Variants in XYLT1 observed in about 807,000 individuals in gnomAD.
XYLT1 encodes the protein beta-D-xylosyltransferase 1.
In XYLT1, 36 loss-of-function variants were observed where a neutral mutation model predicts 91.3. That is an observed-to-expected ratio of 0.39 (90% CI 0.30 to 0.52). The LOEUF is 0.52. Ranked by LOEUF, XYLT1 falls within the 20% of genes least tolerant of loss-of-function variation. XYLT1 has a pLI of 0.68. For missense variants in XYLT1, 1,242 were observed against 1,284.5 expected, an observed-to-expected ratio of 0.97 and a Z score of 0.51; for synonymous variants, 588 against 532.0, an observed-to-expected ratio of 1.11 and a Z score of -1.45.
At chr16:17,152,972 T>A (rs751860994) in intron 6 of XYLT1, among the ~76,000 whole-genome samples, 1 of 152,170 alleles carries the variant, frequency 6.6e-6, no homozygotes, top group Non-Finnish European at 1.5e-5. Context: ...TGCCCACTTA[T>A]AAAGGGCCCA....
intron 2 of XYLT1, among the ~76,000 whole-genome samples, chr16:17,353,073 C>G (rs893237906): frequency 2.6e-5 from 4 of 152,238 alleles, no homozygotes; most frequent in Admixed American, 2.6e-4. Flanking sequence ...TCCCTTCCCT[C>G]TAACCCAAGT....
chr16:17,118,927 C>T (rs562176356), intron 10 of XYLT1, among the ~76,000 whole-genome samples: 2 of 152,242 alleles, frequency 1.3e-5, no homozygotes, highest in African/African-American at 4.8e-5. Flanking sequence ...ACAGCCAGCC[C>T]CTTATGTCTA....
At chr16:17,346,840 G>A (rs182008070) in intron 2 of XYLT1, among the ~76,000 whole-genome samples, 11 of 152,194 alleles carry the variant, frequency 7.2e-5, no homozygotes, top group Non-Finnish European at 1.5e-4. Context: ...TTCTGTCCTC[G>A]ACCCCACCCA....
intron 2 of XYLT1, among the ~76,000 whole-genome samples, chr16:17,316,473 T>C (rs2034634596): frequency 6.6e-6 from 1 of 152,070 alleles, no homozygotes; most frequent in African/African-American, 2.4e-5. Flanking sequence ...CTCTGCTCAC[T>C]GCAGCCTCTA....
intron 2 of XYLT1, among the ~76,000 whole-genome samples, chr16:17,322,424 T>A (rs2034737739): frequency 1.3e-5 from 2 of 152,192 alleles, no homozygotes; most frequent in African/African-American, 4.8e-5. Context: ...CCTGGGACGC[T>A]GAGACAGAGT....
At chr16:17,251,106 G>A (rs2033531376) in intron 3 of XYLT1, 1 of 152,210 alleles carries the variant, frequency 6.6e-6, no homozygotes, top group Admixed American at 6.5e-5. Flanking sequence ...CAGGAGGGAT[G>A]TAGAAGAGAC....
chr16:17,126,859 G>C (rs1475877929), intron 10 of XYLT1, among the ~76,000 whole-genome samples: 3 of 152,138 alleles, frequency 2.0e-5, no homozygotes, highest in African/African-American at 7.2e-5. Context: ...CATCTACAAA[G>C]ACTACATACT....
intron 2 of XYLT1, among the ~76,000 whole-genome samples, chr16:17,293,064 AAG>A (rs1186878791): frequency 2.0e-5 from 3 of 152,168 alleles, no homozygotes; most frequent in African/African-American, 7.2e-5. Context: ...GCTACAAGCA[AAG>A]AGAGTGGAGG....
chr16:17,151,224 G>C (rs2031275072), intron 6 of XYLT1, among the ~76,000 whole-genome samples: 1 of 152,140 alleles, frequency 6.6e-6, no homozygotes, highest in Non-Finnish European at 1.5e-5. Context: ...TCAAGAGTTT[G>C]AGACCAGCCT....
chr16:17,242,891 T>G (rs57888144), intron 3 of XYLT1, among the ~76,000 whole-genome samples: 7,839 of 152,266 alleles, frequency 0.051, 644 homozygotes, highest in African/African-American at 0.18. Context: ...ACTGGCTTAT[T>G]TCACTTAGCG....
chr16:17,468,368 G>GA (rs376045823), intron 1 of XYLT1, among the ~76,000 whole-genome samples: 1,902 of 146,866 alleles, frequency 0.013, 17 homozygotes, highest in Middle Eastern at 0.018. Context: ...AGAACCAAAA[G>GA]AAAAAAAAAA....
intron 5 of XYLT1, among the ~76,000 whole-genome samples, chr16:17,166,077 G>A (rs541427650): frequency 1.6e-4 from 24 of 152,338 alleles, no homozygotes; most frequent in Admixed American, 3.9e-4. Context: ...CCAGCAGGCT[G>A]GTGGGGTTAA....
rs2036138706 is a variant in XYLT1 at position 17,413,448 on chromosome 16, T to A, written c.364-55398A>T. 2.6e-5 allele frequency among the ~76,000 whole-genome samples: 4 copies of A among 151,836 alleles called. No individual in the cohort carries two copies. In the South Asian group the frequency reaches 8.3e-4, roughly 32 times the overall value. ...TTCTTATTTTTTGTCATCATTTTTT[T>A]TTTTTTTTGAGACAGGGTCTCACTC... On this transcript the variant is annotated intron_variant, in intron 1 of 11. Transcript: ENST00000261381.
At chr16:17,255,095 C>T (rs1430868792) in intron 3 of XYLT1, among the ~76,000 whole-genome samples, 1 of 146,682 alleles carries the variant, frequency 6.8e-6, no homozygotes, top group South Asian at 2.1e-4. Context: ...CCCTTGGGTT[C>T]AAGCAATTCT....
In XYLT1 at chr16:17,170,218, C is replaced by A. The variant is rs145515510; in HGVS notation, c.1290-11309G>T. ...TTCGCTAGAAATGCAGAGAGAAAGG[C>A]ATGTCCACCCCTTGCTAGTTTCCTA... On this transcript the variant is annotated intron_variant, in intron 5 of 11. Transcript: ENST00000261381. Among the ~76,000 whole-genome samples the A allele has an allele frequency of 3.7e-3, 570 of 152,334 alleles. 5 individuals are homozygous for A. The highest frequency in any genetic ancestry group is 0.013 in the African/African-American group (551 of 41,584).
intron 5 of XYLT1, among the ~76,000 whole-genome samples, chr16:17,187,757 CTTATT>C (rs938406165): frequency 5.3e-5 from 8 of 151,708 alleles, no homozygotes; most frequent in African/African-American, 1.9e-4. Context: ...GCAATTCTCA[CTTATT>C]TTATCATTCT....
chr16:17,263,172 C>G (rs1318757593), intron 2 of XYLT1, among the ~76,000 whole-genome samples: 1 of 152,108 alleles, frequency 6.6e-6, no homozygotes, highest in Admixed American at 6.5e-5. Context: ...CGCCACACAA[C>G]AGAAAACCTC....
At chr16:17,109,891 C>G (rs1156986055) in intron 11 of XYLT1, among the ~76,000 whole-genome samples, 4 of 152,122 alleles carry the variant, frequency 2.6e-5, no homozygotes, top group African/African-American at 9.7e-5. Flanking sequence ...TCCTAGAAGC[C>G]TAAGGGTGCA....
chr16:17,398,569 C>A (rs1489460081), intron 1 of XYLT1, among the ~76,000 whole-genome samples: 2 of 152,158 alleles, frequency 1.3e-5, no homozygotes, highest in Non-Finnish European at 2.9e-5. Context: ...CAAAGCACCA[C>A]TAAATGGCTT....
Sources: allele counts gnomAD v4.1 joint callset (sites outside exome capture counted in the v4.1 genomes callset), GRCh38; gene constraint gnomAD v4.1.1; transcripts MANE v1.5; gene names NCBI Gene and HGNC (gene_info 2026-07-23, HGNC 2026-07-21).